Variants in UBE2R2 observed in about 807,000 individuals in gnomAD.
UBE2R2 encodes the protein ubiquitin-conjugating enzyme E2 R2.
UBE2R2 carries 1 observed loss-of-function variant against 27.8 expected under a neutral mutation model. The observed-to-expected ratio is 0.04, with a 90% CI of 0.01 to 0.17. The LOEUF (loss-of-function observed/expected upper bound fraction) is 0.17. Among genes scored for constraint, UBE2R2 ranks in the 10% least tolerant of loss-of-function variants. The pLI is 1.00. For synonymous variants in UBE2R2, 106 were observed against 113.3 expected (o/e 0.94, Z 0.41); for missense variants, 100 against 291.0 (o/e 0.34, Z 4.78).
intron 1 of UBE2R2, among the ~76,000 whole-genome samples, chr9:33,864,451 T>C (rs929531463): frequency 6.6e-6 from 1 of 152,210 alleles, no homozygotes. Flanking sequence ...TCTATTGTTA[T>C]TAACAATTGA....
chr9:33,829,826 G>A (rs886629897), intron 1 of UBE2R2, among the ~76,000 whole-genome samples: 2 of 115,862 alleles, frequency 1.7e-5, no homozygotes, highest in Admixed American at 1.1e-4. Flanking sequence ...AAACAGTTTC[G>A]CTCTAGTTGC....
intron 1 of UBE2R2, among the ~76,000 whole-genome samples, chr9:33,875,665 G>T (rs1821587290): frequency 6.6e-6 from 1 of 152,016 alleles, no homozygotes; most frequent in Non-Finnish European, 1.5e-5. Context: ...AGTGTTTTTT[G>T]CCATTTTACA....
intron 1 of UBE2R2, among the ~76,000 whole-genome samples, chr9:33,842,770 C>T (rs1299789713): frequency 2.6e-5 from 4 of 151,534 alleles, no homozygotes; most frequent in Admixed American, 6.6e-5. Context: ...TTAAAGAGTA[C>T]GTGGAAGCGC....
Position 33,879,160 on chromosome 9 carries a change from G to A in UBE2R2, c.178-7721G>A, listed in dbSNP as rs528916924. Reference sequence around the variant, plus strand: ...CTGGGGCAGGATCGCTTGAGCCTGCGAGGTCAAGGCTGGCAGTGATCCATA... The same window carrying A: ...CTGGGGCAGGATCGCTTGAGCCTGCAAGGTCAAGGCTGGCAGTGATCCATA... On this transcript the variant is annotated intron_variant, in intron 1 of 4. Transcript: ENST00000263228. Among the ~76,000 whole-genome samples, 68 of 152,232 alleles carry A rather than the reference G, an allele frequency of 4.5e-4. 1 individual carries two copies. Among genetic ancestry groups the A allele is most frequent in the African/African-American group, 1.5e-3 (61 of 41,532 alleles).
At chr9:33,861,629 A>C (rs1821238253) in intron 1 of UBE2R2, among the ~76,000 whole-genome samples, 1 of 151,870 alleles carries the variant, frequency 6.6e-6, no homozygotes. Context: ...TTCATTAATT[A>C]GATAATGGGA....
At chr9:33,878,073 A>T (rs1036397620) in intron 1 of UBE2R2, among the ~76,000 whole-genome samples, 1 of 152,180 alleles carries the variant, frequency 6.6e-6, no homozygotes, top group Non-Finnish European at 1.5e-5. Flanking sequence ...TTATATTTTT[A>T]TATCTTTTAT....
intron 1 of UBE2R2, among the ~76,000 whole-genome samples, chr9:33,866,838 T>G (rs1484690725): frequency 6.6e-6 from 1 of 152,208 alleles, no homozygotes. Context: ...CTGTGCATAT[T>G]AAATCATTTG....
At chr9:33,875,647 C>G (rs1370419165) in intron 1 of UBE2R2, among the ~76,000 whole-genome samples, 2 of 152,080 alleles carry the variant, frequency 1.3e-5, no homozygotes, top group Admixed American at 6.6e-5. Flanking sequence ...TGATAACTCC[C>G]TAGGGTCAGT....
chr9:33,876,234 C>T (rs932628393), intron 1 of UBE2R2, among the ~76,000 whole-genome samples: 4 of 151,932 alleles, frequency 2.6e-5, no homozygotes, highest in South Asian at 4.1e-4. Flanking sequence ...TGGTGGCATG[C>T]GCCTGTAGCT....
intron 1 of UBE2R2, among the ~76,000 whole-genome samples, chr9:33,843,949 AT>A (rs2130743310): frequency 6.6e-6 from 1 of 152,302 alleles, no homozygotes; most frequent in East Asian, 1.9e-4. Flanking sequence ...ATTAAGAGGT[AT>A]TATCAACCTT....
chr9:33,845,992 GGC>G (rs1374433190), intron 1 of UBE2R2, among the ~76,000 whole-genome samples: 1 of 152,112 alleles, frequency 6.6e-6, no homozygotes, highest in Non-Finnish European at 1.5e-5. Context: ...TAGGCAAGGT[GGC>G]GGGTACCTGT....
At chr9:33,902,727 AGGGGAAAAGTG>A (rs1274597448) in intron 3 of UBE2R2, among the ~76,000 whole-genome samples, 2 of 152,068 alleles carry the variant, frequency 1.3e-5, no homozygotes, top group African/African-American at 4.8e-5. Context: ...TCTTTTTTTG[AGGGGAAAAGTG>A]TCCTACGTAG....
intron 1 of UBE2R2, among the ~76,000 whole-genome samples, chr9:33,860,668 A>G (rs1489267433): frequency 6.6e-6 from 1 of 152,152 alleles, no homozygotes; most frequent in African/African-American, 2.4e-5. Context: ...TGGGAGGCTG[A>G]GGCAGGAAGA....
In UBE2R2 at chr9:33,920,281, GA is replaced by G. The variant is rs752431893; in HGVS notation, c.*3048del. 1 of 152,458 alleles carries G rather than the reference GA, an allele frequency of 6.6e-6. No individual in the cohort carries two copies. Among genetic ancestry groups the G allele is most frequent in the East Asian group, 1.9e-4 (1 of 5,206 alleles). 9.4% of individuals were successfully genotyped at this position (152,458 alleles called of 1,614,324 possible). ...TGTTTTGCTTCAGTTTAACTTATGA[GA>G]AAAGATTATCTGACGGATTTTGTGT... On this transcript the variant is annotated 3_prime_UTR_variant, in exon 5 of 5. Transcript: ENST00000263228.
chr9:33,902,780 A>T (rs569142782), intron 3 of UBE2R2, among the ~76,000 whole-genome samples: 1 of 152,270 alleles, frequency 6.6e-6, no homozygotes, highest in Non-Finnish European at 1.5e-5. Flanking sequence ...ATCTCGATAG[A>T]CTCAATTTTA....
intron 3 of UBE2R2, among the ~76,000 whole-genome samples, chr9:33,903,337 T>G (rs1483065131): frequency 1.3e-5 from 2 of 152,204 alleles, no homozygotes; most frequent in Non-Finnish European, 2.9e-5. Context: ...GTAATAACCC[T>G]AGATTAGAGG....
At chr9:33,827,514 G>A (rs542524835) in intron 1 of UBE2R2, among the ~76,000 whole-genome samples, 8 of 152,030 alleles carry the variant, frequency 5.3e-5, no homozygotes, top group Non-Finnish European at 1.0e-4. Flanking sequence ...GGTGGCGCAC[G>A]CCTGAAATCC....
intron 2 of UBE2R2, among the ~76,000 whole-genome samples, chr9:33,896,466 G>A (rs548535048): frequency 6.6e-5 from 10 of 150,882 alleles, no homozygotes; most frequent in Admixed American, 2.0e-4. Context: ...TTTTTTAGAT[G>A]GAGTCTTACT....
chr9:33,883,613 G>C (rs1447160034), intron 1 of UBE2R2, among the ~76,000 whole-genome samples: 3 of 151,506 alleles, frequency 2.0e-5, no homozygotes, highest in Non-Finnish European at 2.9e-5. Flanking sequence ...CTACTCAGGA[G>C]GCTGAGGCAG....
Sources: allele counts gnomAD v4.1 joint callset (sites outside exome capture counted in the v4.1 genomes callset), GRCh38; gene constraint gnomAD v4.1.1; transcripts MANE v1.5; gene names NCBI Gene and HGNC (gene_info 2026-07-23, HGNC 2026-07-21).